The following SLC44A5 variants were observed in gnomAD, a reference collection of about 807,000 sequenced individuals.
The protein encoded by SLC44A5 is choline transporter-like protein 5.
Under a neutral mutation model 101.8 loss-of-function variants are expected in SLC44A5, and 57 were observed. The observed-to-expected ratio is 0.56, with a 90% CI of 0.45 to 0.70. The LOEUF is 0.70. SLC44A5 is among the 30% of genes least tolerant of loss of function. The pLI is 0.00. For synonymous variants in SLC44A5, 281 were observed against 290.9 expected (o/e 0.97, Z 0.35); for missense variants, 737 against 853.1 (o/e 0.86, Z 1.70).
At chr1:75,668,395 C>T in the SLC44A5 span, among the ~76,000 whole-genome samples, 2 of 138,888 alleles carry the variant, frequency 1.4e-5, no homozygotes, top group African/African-American at 2.8e-5. Context: ...ATAATCACGG[C>T]TCACATGCAA....
At chr1:75,510,919 G>A (rs1254871130) in intron 2 of SLC44A5, among the ~76,000 whole-genome samples, 1 of 152,346 alleles carries the variant, frequency 6.6e-6, no homozygotes, top group Non-Finnish European at 1.5e-5. Context: ...GAGGCAGGTG[G>A]ATGACGAGGT....
intron 2 of SLC44A5, among the ~76,000 whole-genome samples, chr1:75,487,052 C>A (rs1668188925): frequency 6.6e-6 from 1 of 151,986 alleles, no homozygotes; most frequent in Admixed American, 6.6e-5. Context: ...TTCTGGAGAC[C>A]TAGGATTAGG....
chr1:75,232,548 T>C (rs777479647), intron 12 of SLC44A5, among the ~76,000 whole-genome samples: 4 of 152,008 alleles, frequency 2.6e-5, no homozygotes, highest in Non-Finnish European at 5.9e-5. Context: ...AATAAGAAGC[T>C]CAGGTGGGAT....
At chr1:75,519,768 A>G (rs1168198445) in intron 2 of SLC44A5, among the ~76,000 whole-genome samples, 1 of 152,222 alleles carries the variant, frequency 6.6e-6, no homozygotes, top group Non-Finnish European at 1.5e-5. Flanking sequence ...ACAACTCTCT[A>G]ACAACTTTGC....
chr1:75,605,591 G>A (rs1675276344), intron 1 of SLC44A5, among the ~76,000 whole-genome samples: 1 of 151,946 alleles, frequency 6.6e-6, no homozygotes. Flanking sequence ...TGAAATTGTG[G>A]TTTCTCAACT....
intron 23 of SLC44A5, 41 bp from the exon 24 acceptor site, chr1:75,203,874 C>T: frequency 6.6e-7 from 1 of 1,504,426 alleles, no homozygotes; most frequent in Non-Finnish European, 8.9e-7. Context: ...CAAAGCAGAA[C>T]TGTAAGAGAA....
intron 1 of SLC44A5, among the ~76,000 whole-genome samples, chr1:75,563,943 A>C (rs769709579): frequency 1.3e-5 from 2 of 152,192 alleles, no homozygotes; most frequent in Non-Finnish European, 2.9e-5. Flanking sequence ...AATATAGGGT[A>C]AAAACTGAAT....
chr1:75,330,188 C>CGTATATATGCATATATATACGT (rs1557669810), intron 4 of SLC44A5, among the ~76,000 whole-genome samples: 1 of 131,480 alleles, frequency 7.6e-6, no homozygotes, highest in Non-Finnish European at 1.6e-5. Context: ...CATATATATA[C>CGTATATATGCATATATATACGT]GTATATGCAT....
At chr1:75,376,867 T>C (rs1660662371) in intron 3 of SLC44A5, among the ~76,000 whole-genome samples, 2 of 152,096 alleles carry the variant, frequency 1.3e-5, no homozygotes, top group African/African-American at 4.8e-5. Context: ...CTTCAGACGA[T>C]CAAATTACTC....
chr1:75,354,163 C>T (rs893463855), intron 3 of SLC44A5, among the ~76,000 whole-genome samples: 4 of 152,274 alleles, frequency 2.6e-5, no homozygotes, highest in South Asian at 4.1e-4. Flanking sequence ...GTTTCTCTAA[C>T]CATAAATTCC....
At chr1:75,597,087 C>T (rs1365778870) in intron 1 of SLC44A5, among the ~76,000 whole-genome samples, 1 of 150,742 alleles carries the variant, frequency 6.6e-6, no homozygotes, top group Non-Finnish European at 1.5e-5. Flanking sequence ...ACTTGGGAGG[C>T]TGAAGTGGGA....
At chr1:75,371,092 A>C (rs1004579156) in intron 3 of SLC44A5, among the ~76,000 whole-genome samples, 1 of 152,226 alleles carries the variant, frequency 6.6e-6, no homozygotes, top group Admixed American at 6.5e-5. Context: ...GCTGGACTCC[A>C]GTTTTATCAC....
chr1:75,659,485 G>GAAGGAAGGAAGGAAGA, the SLC44A5 span, among the ~76,000 whole-genome samples: 38 of 69,694 alleles, frequency 5.5e-4, no homozygotes, highest in East Asian at 6.7e-3. Context: ...AGGAAGGAAG[G>GAAGGAAGGAAGGAAGA]AAGGAAGGCA....
At chr1:75,659,294 A>T in the SLC44A5 span, among the ~76,000 whole-genome samples, 2 of 146,988 alleles carry the variant, frequency 1.4e-5, no homozygotes, top group Non-Finnish European at 3.0e-5. Context: ...CCAAACAAAG[A>T]TTTTTTTAAA....
chr1:75,708,803 A>C, the SLC44A5 span, among the ~76,000 whole-genome samples: 1 of 152,232 alleles, frequency 6.6e-6, no homozygotes. Context: ...TATTCTATGC[A>C]CTAAATTATA....
At chr1:75,611,501 T>C (rs1241730848), upstream of SLC44A5, among the ~76,000 whole-genome samples, 2 of 152,126 alleles carry the variant, frequency 1.3e-5, no homozygotes, top group Non-Finnish European at 2.9e-5. Flanking sequence ...ATGATTTCCT[T>C]AACTAGCTAT....
chr1:75,537,822 C>T, intron 2 of SLC44A5, among the ~76,000 whole-genome samples: 1 of 152,124 alleles, frequency 6.6e-6, no homozygotes, highest in East Asian at 1.9e-4. Context: ...ATTTATTAAA[C>T]ATTTTCTGGA....
At chr1:75,300,331 A>G (rs1418280530) in intron 5 of SLC44A5, among the ~76,000 whole-genome samples, 1 of 152,174 alleles carries the variant, frequency 6.6e-6, no homozygotes, top group African/African-American at 2.4e-5. Context: ...TTAGAATTTC[A>G]AAAGTAACAA....
intron 2 of SLC44A5, among the ~76,000 whole-genome samples, chr1:75,514,058 T>G (rs1669701276): frequency 6.6e-6 from 1 of 152,146 alleles, no homozygotes; most frequent in African/African-American, 2.4e-5. Flanking sequence ...GTGCCCAGGT[T>G]TGTCCTGAAC....
Sources: gnomAD v4.1 joint callset for allele counts (sites outside exome capture counted in the v4.1 genomes callset) on GRCh38, gnomAD v4.1.1 for gene constraint, MANE v1.5 for transcripts, NCBI Gene and HGNC (gene_info 2026-07-23, HGNC 2026-07-21) for gene names.